The following SPTAN1 variants were observed in gnomAD, a reference collection of about 807,000 sequenced individuals.
The protein encoded by SPTAN1 is spectrin alpha chain, non-erythrocytic 1.
In SPTAN1, 61 loss-of-function variants were observed where a neutral mutation model predicts 331.3. The observed-to-expected ratio is 0.18, with a 90% CI of 0.15 to 0.23. The LOEUF (loss-of-function observed/expected upper bound fraction) is 0.23, where lower values mean the gene tolerates loss of function less well. SPTAN1 is among the 10% of genes least tolerant of loss of function. SPTAN1 has a pLI of 1.00. For synonymous variants in SPTAN1, 1,153 were observed against 1,173.9 expected, an observed-to-expected ratio of 0.98 and a Z score of 0.36; for missense variants, 2,043 against 3,147.9, an observed-to-expected ratio of 0.65 and a Z score of 8.40.
chr9:128,627,368 C>T lies in SPTAN1; in HGVS notation c.6577-18C>T. 1 of 1,548,302 alleles carries T rather than the reference C, an allele frequency of 6.5e-7. No individual in the cohort carries two copies. The highest frequency in any genetic ancestry group is 8.7e-7 in the Non-Finnish European group (1 of 1,144,524). ...CTGCCACAGCAGCGCACAGCATCTG[C>T]CCCCCTTTGGCCCTCAGGAGAGGGA... On this transcript the variant is annotated intron_variant, in intron 49 of 56. Coordinates refer to ENST00000372739, the MANE Select transcript of SPTAN1 (RefSeq NM_001130438.3). The surrounding 1 kb of genome is among the most constrained non-coding windows in gnomAD (Gnocchi z 4.9).
At chr9:128,558,447 A>G (rs1034948322) in intron 1 of SPTAN1, among the ~76,000 whole-genome samples, 1 of 152,152 alleles carries the variant, frequency 6.6e-6, no homozygotes, top group African/African-American at 2.4e-5. Flanking sequence ...CCCCTCCTTC[A>G]GTCTCTATGT....
Position 128,612,161 on chromosome 9 carries a change from C to T in SPTAN1, c.4958C>T (p.Ala1653Val), listed in dbSNP as rs374723711. ...TGGCAGTTCTTGGTGCAAAAGTCAG[C>T]GGAAAAGAGCCAGAAACTGAAAGAA... is the stretch of plus-strand genomic sequence containing the variant. Reference protein sequence around the residue: ...DQWQFLVQKSAEKSQKLKEAN... With the variant: ...DQWQFLVQKSVEKSQKLKEAN... Residue 1653 changes from alanine to valine, a missense_variant, in exon 39 of 57, where the codon GCG (alanine) becomes GTG (valine). This residue lies in a region of SPTAN1 where 323 missense variants were observed against 581.1 expected (regional missense o/e 0.56). Coordinates refer to ENST00000372739, the MANE Select transcript of SPTAN1 (RefSeq NM_001130438.3). The T allele has an allele frequency of 3.2e-5, 51 of 1,613,986 alleles. No homozygotes were observed. Among genetic ancestry groups the T allele is most frequent in the Non-Finnish European group, 4.1e-5 (48 of 1,180,040 alleles).
chr9:128,598,826 T>C, intron 25 of SPTAN1, 137 bp from the exon 26 acceptor site: 1 of 804,508 alleles, frequency 1.2e-6, no homozygotes, highest in Non-Finnish European at 2.2e-6. Context: ...CTTGAAGCTC[T>C]GCTGGACATT....
intron 25 of SPTAN1, 185 bp downstream of exon 25, chr9:128,598,689 C>G (rs1434026839): frequency 1.4e-6 from 1 of 690,580 alleles, no homozygotes; most frequent in Non-Finnish European, 2.6e-6. Context: ...CCCTCACTTT[C>G]ACTTGGTTTG....
intron 52 of SPTAN1, chr9:128,631,762 A>G (rs1365338510): frequency 3.9e-6 from 1 of 256,388 alleles, no homozygotes; most frequent in Non-Finnish European, 7.6e-6. Context: ...GGGAGGTTGC[A>G]GTGAGCGTGA....
At chr9:128,623,205 T>A (rs1184483905) in intron 45 of SPTAN1, among the ~76,000 whole-genome samples, 1 of 150,874 alleles carries the variant, frequency 6.6e-6, no homozygotes, top group Non-Finnish European at 1.5e-5. Flanking sequence ...CACAGGTGGG[T>A]GTCAACACAC....
chr9:128,621,301 C>A, intron 45 of SPTAN1, 45 bp downstream of exon 45: 1 of 1,546,986 alleles, frequency 6.5e-7, no homozygotes, highest in Non-Finnish European at 8.9e-7. Flanking sequence ...CACTGGGACA[C>A]CCACGTGTTG....
chr9:128,564,440 C>T (rs1849772144), intron 1 of SPTAN1, among the ~76,000 whole-genome samples: 1 of 151,448 alleles, frequency 6.6e-6, no homozygotes, highest in Non-Finnish European at 1.5e-5. Context: ...AAAAATTAGC[C>T]AGTCATGGTG....
At chr9:128,595,115 T>C (rs2131375871) in intron 24 of SPTAN1, among the ~76,000 whole-genome samples, 1 of 151,650 alleles carries the variant, frequency 6.6e-6, no homozygotes, top group South Asian at 2.1e-4. Flanking sequence ...CGGCCTCAGT[T>C]TTTTTTTTGT....
intron 1 of SPTAN1, among the ~76,000 whole-genome samples, chr9:128,559,798 G>A (rs147309773): frequency 0.25 from 37,701 of 151,266 alleles, 5,836 homozygotes; most frequent in Admixed American, 0.35. Flanking sequence ...GCAGTGGTGC[G>A]ATCTTGGCTC....
At chr9:128,607,434 T>C (rs1051122164) in intron 31 of SPTAN1, among the ~76,000 whole-genome samples, 170 bp from the exon 32 acceptor site, 6 of 152,186 alleles carry the variant, frequency 3.9e-5, no homozygotes, top group African/African-American at 1.4e-4. Context: ...TTTAAAAAAA[T>C]AACAAGAAGT....
chr9:128,613,064 G>A (rs1369778949), intron 39 of SPTAN1, among the ~76,000 whole-genome samples: 1 of 151,912 alleles, frequency 6.6e-6, no homozygotes, highest in Non-Finnish European at 1.5e-5. Context: ...GAATATCTTT[G>A]AATATTAATC....
intron 40 of SPTAN1, among the ~76,000 whole-genome samples, chr9:128,614,385 A>T (rs1454817348): frequency 6.7e-6 from 1 of 149,518 alleles, no homozygotes; most frequent in East Asian, 2.0e-4. Flanking sequence ...TGAGCTCAGG[A>T]GTTCGAGACC....
At chr9:128,560,475 G>A (rs1248814662) in intron 1 of SPTAN1, among the ~76,000 whole-genome samples, 1 of 151,744 alleles carries the variant, frequency 6.6e-6, no homozygotes, top group Admixed American at 6.6e-5. Flanking sequence ...CCGCCTCCCA[G>A]GCTCAAGGGA....
Position 128,627,979 on chromosome 9 carries a change from G to A in SPTAN1, c.6707+37G>A, listed in dbSNP as rs1314867735. The A allele has an allele frequency of 1.2e-6, 2 of 1,613,986 alleles. No homozygotes were observed. Among genetic ancestry groups the A allele is most frequent in the African/African-American group, 1.3e-5 (1 of 75,030 alleles). ...TTTCTTCCTTCTCTGGGCTTGTCAT[G>A]TGGGGGTCTCGTGCGCTTGCCCCTC... is the stretch of plus-strand genomic sequence containing the variant. On this transcript the variant is annotated intron_variant, in intron 51 of 56. Transcript: ENST00000372739. The surrounding 1 kb of genome is among the most constrained non-coding windows in gnomAD (Gnocchi z 4.9).
intron 9 of SPTAN1, among the ~76,000 whole-genome samples, chr9:128,579,103 G>C (rs73620040): frequency 8.5e-4 from 129 of 152,262 alleles, no homozygotes; most frequent in African/African-American, 2.8e-3. Flanking sequence ...CAGATGGAAC[G>C]ATCTTCTGTG....
rs556522946 is a variant in SPTAN1 at position 128,608,450 on chromosome 9, A to T, written c.4491+174A>T. 5.3e-5 allele frequency among the ~76,000 whole-genome samples: 8 copies of T among 152,248 alleles called. No homozygotes were observed. In the East Asian group the frequency reaches 1.6e-3, roughly 30 times the overall value. ...TTCTGGTATTTCTGAGATTTTAATAATGGGGGTGCCACAGGAAAAAAAAAT... is the reference window on the plus strand; with the variant it reads ...TTCTGGTATTTCTGAGATTTTAATATTGGGGGTGCCACAGGAAAAAAAAAT... On this transcript the variant is annotated intron_variant, in intron 34 of 56. Coordinates refer to ENST00000372739, the MANE Select transcript of SPTAN1 (RefSeq NM_001130438.3).
At position 128,625,923 on chromosome 9, in the gene SPTAN1, C is replaced by G. The variant is rs1858665186; in HGVS notation, c.6224C>G (p.Ala2075Gly). The G allele has an allele frequency of 1.2e-6, 2 of 1,614,066 alleles. No individual in the cohort carries two copies. Among genetic ancestry groups the G allele is most frequent in the Non-Finnish European group, 1.7e-6 (2 of 1,180,036 alleles). The stretch of plus-strand genomic sequence containing the variant: ...ATGAAGAGGTGGAGCCAGCTTCTGG[C>G]CAACTCAGCCGCCCGCAAGAAGAAG... ...SLMKRWSQLL[A>G]NSAARKKKLL... Residue 2075 changes from alanine (A) to glycine (G), a missense_variant, in exon 48 of 57, where the codon GCC becomes GGC. Physicochemically the swap from Ala to Gly is moderately conservative, Grantham distance 60 (BLOSUM62 0). This residue lies in a region of SPTAN1 where 256 missense variants were observed against 376.4 expected (regional missense o/e 0.68). Coordinates refer to ENST00000372739, the MANE Select transcript of SPTAN1 (RefSeq NM_001130438.3). This position sits in a 1 kb window ranked among gnomAD's most constrained non-coding sequence, Gnocchi z 4.1.
rs185186184 is a variant in SPTAN1 at position 128,570,931 on chromosome 9, G to A, written c.363+2034G>A. On this transcript the variant is annotated intron_variant, in intron 3 of 56. Transcript: ENST00000372739. The stretch of plus-strand genomic sequence containing the variant: ...CCGCCTTGGCCTCCCAAAGTGCTGC[G>A]ATTACAGGCATGAGCCGCCGCTCCT... Among the ~76,000 whole-genome samples, 760 of 152,234 alleles carry A rather than the reference G, an allele frequency of 5.0e-3. 4 individuals carry two copies. The highest frequency in any genetic ancestry group is 0.018 in the African/African-American group (729 of 41,536).
Sources: allele counts gnomAD v4.1 joint callset (sites outside exome capture counted in the v4.1 genomes callset), GRCh38; gene constraint gnomAD v4.1.1; regional missense constraint gnomAD v4.1.1; non-coding constraint Gnocchi (gnomAD v3.1); transcripts MANE v1.5; gene names NCBI Gene and HGNC (gene_info 2026-07-23, HGNC 2026-07-21).